The following AOPEP variants were observed in gnomAD, a reference collection of about 807,000 sequenced individuals.
AOPEP encodes the protein aminopeptidase O.
Under a neutral mutation model 98.1 loss-of-function variants are expected in AOPEP, and 77 were observed. The ratio of observed to expected loss-of-function variants is 0.78; its 90% CI spans 0.65 to 0.95. The LOEUF is 0.95. Among genes scored for constraint, AOPEP ranks in the 40% least tolerant of loss-of-function variants. The pLI is 0.00. For synonymous variants in AOPEP, 346 were observed against 365.3 expected (o/e 0.95, Z 0.60); for missense variants, 1,024 against 1,024.7 (o/e 1.00, Z 0.01).
chr9:94,949,255 T>G (rs1276608201), intron 7 of AOPEP, among the ~76,000 whole-genome samples: 2 of 152,250 alleles, frequency 1.3e-5, no homozygotes, highest in Non-Finnish European at 2.9e-5. Flanking sequence ...GTGTTGATAC[T>G]CATTGCTTTT....
At chr9:94,844,069 T>G (rs1008269459) in intron 5 of AOPEP, among the ~76,000 whole-genome samples, 5 of 152,232 alleles carry the variant, frequency 3.3e-5, no homozygotes, top group Non-Finnish European at 2.9e-5. Context: ...TTTGTTCTGT[T>G]TTTTTGAGGC....
In AOPEP at chr9:94,737,127, C is replaced by T. The variant is rs1831951963; in HGVS notation, c.-136+10376C>T. Among the ~76,000 whole-genome samples, 3 of 151,604 alleles carry T rather than the reference C, an allele frequency of 2.0e-5. No individual in the cohort carries two copies. In the South Asian group the frequency reaches 6.2e-4, roughly 32 times the overall value. Reference sequence around the variant, plus strand: ...AACATGGAGATTTTTTTTAATGTTTCTTTCTTCTTTTTTTTTCTGTTAGAC... The same window carrying T: ...AACATGGAGATTTTTTTTAATGTTTTTTTCTTCTTTTTTTTTCTGTTAGAC... On this transcript the variant is annotated intron_variant, in intron 1 of 16. Coordinates refer to ENST00000375315, the MANE Select transcript of AOPEP (RefSeq NM_001193329.3).
the AOPEP span, among the ~76,000 whole-genome samples, chr9:95,123,154 T>C: frequency 6.6e-6 from 1 of 151,786 alleles, no homozygotes; most frequent in Non-Finnish European, 1.5e-5. Flanking sequence ...AATTTAAAAA[T>C]TAGCTGGGCG....
the AOPEP span, among the ~76,000 whole-genome samples, chr9:95,136,682 C>T: frequency 2.0e-5 from 3 of 152,102 alleles, no homozygotes; most frequent in Admixed American, 6.5e-5. Context: ...GGGGGTCTTG[C>T]TATTTTGCCC....
At chr9:95,146,038 T>G in the AOPEP span, among the ~76,000 whole-genome samples, 1 of 152,070 alleles carries the variant, frequency 6.6e-6, no homozygotes, top group Non-Finnish European at 1.5e-5. Context: ...TCAGGATAAT[T>G]TAATTCCTGA....
At chr9:94,863,934 T>G (rs1447398370) in intron 5 of AOPEP, among the ~76,000 whole-genome samples, 1 of 152,162 alleles carries the variant, frequency 6.6e-6, no homozygotes, top group Non-Finnish European at 1.5e-5. Flanking sequence ...CTAGTGACAC[T>G]TAGCTGCAAG....
intron 7 of AOPEP, among the ~76,000 whole-genome samples, chr9:94,941,377 C>T (rs1400929428): frequency 3.3e-5 from 5 of 152,232 alleles, no homozygotes; most frequent in Admixed American, 2.6e-4. Context: ...CGTGGGATTC[C>T]CCTACCCACT....
At chr9:94,935,937 CA>C (rs1474888691) in intron 7 of AOPEP, among the ~76,000 whole-genome samples, 1 of 152,204 alleles carries the variant, frequency 6.6e-6, no homozygotes, top group Non-Finnish European at 1.5e-5. Flanking sequence ...CCACCCACAA[CA>C]GGGTAGGAGA....
the AOPEP span, chr9:95,101,816 A>G: frequency 3.1e-6 from 5 of 1,614,000 alleles, no homozygotes; most frequent in African/African-American, 1.3e-5. Flanking sequence ...AAGAAAGCCA[A>G]TGATCTCGTG....
At chr9:94,891,866 G>A (rs997620556) in intron 5 of AOPEP, among the ~76,000 whole-genome samples, 2 of 152,076 alleles carry the variant, frequency 1.3e-5, no homozygotes, top group Non-Finnish European at 2.9e-5. Context: ...GTTAAGAAGA[G>A]CTTCCTTTAA....
At chr9:94,850,731 G>A (rs891233312) in intron 5 of AOPEP, among the ~76,000 whole-genome samples, 3 of 152,192 alleles carry the variant, frequency 2.0e-5, no homozygotes, top group Admixed American at 2.0e-4. Flanking sequence ...ACTTTGTGTG[G>A]TTGTTTACCC....
intron 5 of AOPEP, among the ~76,000 whole-genome samples, chr9:94,832,655 T>C (rs1048560794): frequency 1.8e-4 from 27 of 152,190 alleles, no homozygotes; most frequent in Non-Finnish European, 3.5e-4. Flanking sequence ...GAAACTGGGA[T>C]ATCCACACAA....
At chr9:95,084,234 A>G (rs1029149562) in intron 16 of AOPEP, among the ~76,000 whole-genome samples, 2 of 152,142 alleles carry the variant, frequency 1.3e-5, no homozygotes, top group African/African-American at 2.4e-5. Context: ...GTTTTCTTCT[A>G]ATGTTTTGTG....
chr9:95,043,068 T>G (rs2065475052), intron 13 of AOPEP, among the ~76,000 whole-genome samples: 1 of 151,500 alleles, frequency 6.6e-6, no homozygotes, highest in Admixed American at 6.6e-5. Flanking sequence ...AGCCCAGGAG[T>G]TCGAGATCGG....
chr9:94,806,593 A>G (rs1230352577), intron 5 of AOPEP, among the ~76,000 whole-genome samples: 3 of 152,030 alleles, frequency 2.0e-5, no homozygotes, highest in Non-Finnish European at 4.4e-5. Context: ...CACTTTCTCC[A>G]TTTTCTCTTT....
chr9:95,013,453 G>A (rs1032364930), intron 13 of AOPEP, among the ~76,000 whole-genome samples: 5 of 148,264 alleles, frequency 3.4e-5, no homozygotes, highest in African/African-American at 1.2e-4. Context: ...ACAGTCGGCC[G>A]GAGGATTGTA....
At chr9:95,115,856 G>A in the AOPEP span, among the ~76,000 whole-genome samples, 120 of 152,312 alleles carry the variant, frequency 7.9e-4, 2 homozygotes, top group Middle Eastern at 6.8e-3. Flanking sequence ...TGTCTACACA[G>A]TCAGGGCTCG....
At chr9:94,849,687 G>A (rs1321409393) in intron 5 of AOPEP, among the ~76,000 whole-genome samples, 1 of 152,004 alleles carries the variant, frequency 6.6e-6, no homozygotes, top group Non-Finnish European at 1.5e-5. Flanking sequence ...TAAGGAGCTT[G>A]CAACCTAGAT....
chr9:94,808,232 G>T (rs1430273438), intron 5 of AOPEP, among the ~76,000 whole-genome samples: 1 of 152,074 alleles, frequency 6.6e-6, no homozygotes, highest in East Asian at 1.9e-4. Flanking sequence ...TAGACACGGG[G>T]TTTCACCATG....
Sources: gnomAD v4.1 joint callset for allele counts (sites outside exome capture counted in the v4.1 genomes callset) on GRCh38, gnomAD v4.1.1 for gene constraint, MANE v1.5 for transcripts, NCBI Gene and HGNC (gene_info 2026-07-23, HGNC 2026-07-21) for gene names.